GRID2: variants seen among roughly 807,000 people sequenced by gnomAD.
GRID2 encodes the protein glutamate ionotropic receptor delta type subunit 2.
GRID2 carries 33 observed loss-of-function variants against 114.8 expected under a neutral mutation model. The ratio of observed to expected loss-of-function variants is 0.29; its 90% CI spans 0.22 to 0.38. GRID2 has a LOEUF of 0.38. GRID2 is among the 10% of genes least tolerant of loss of function. The pLI is 1.00. For missense variants in GRID2, 1,184 were observed against 1,257.7 expected (o/e 0.94, Z 0.89); for synonymous variants, 505 against 449.9 (o/e 1.12, Z -1.55).
At chr4:93,618,061 G>T (rs1013158910) in intron 13 of GRID2, among the ~76,000 whole-genome samples, 3 of 152,102 alleles carry the variant, frequency 2.0e-5, no homozygotes, top group African/African-American at 7.2e-5. Context: ...TGGGGCTTTT[G>T]TGCTATGACT....
intron 1 of GRID2, among the ~76,000 whole-genome samples, chr4:92,425,887 A>G (rs910172975): frequency 6.6e-6 from 1 of 152,100 alleles, no homozygotes; most frequent in African/African-American, 2.4e-5. Context: ...GTAACTACTC[A>G]ATATGTATTA....
At chr4:93,484,408 G>A (rs1029904453) in intron 11 of GRID2, among the ~76,000 whole-genome samples, 10 of 151,830 alleles carry the variant, frequency 6.6e-5, no homozygotes, top group Admixed American at 6.6e-4. Context: ...TTGTTTATAA[G>A]TGAGATTTGC....
At chr4:93,665,555 G>A (rs976496644) in intron 14 of GRID2, among the ~76,000 whole-genome samples, 8 of 152,262 alleles carry the variant, frequency 5.3e-5, no homozygotes, top group Admixed American at 5.2e-4. Context: ...CTTCCAGTGT[G>A]CTCCATCACC....
At chr4:92,475,923 T>G (rs1722286668) in intron 1 of GRID2, among the ~76,000 whole-genome samples, 1 of 152,012 alleles carries the variant, frequency 6.6e-6, no homozygotes, top group South Asian at 2.1e-4. Flanking sequence ...TTTACTTTAT[T>G]TTATTGTAGA....
chr4:92,412,033 T>C (rs1326499480), intron 1 of GRID2, among the ~76,000 whole-genome samples: 1 of 151,988 alleles, frequency 6.6e-6, no homozygotes, highest in African/African-American at 2.4e-5. Flanking sequence ...TTTCAGATCC[T>C]AGACTAATCC....
intron 10 of GRID2, among the ~76,000 whole-genome samples, chr4:93,426,923 C>T (rs1326000647): frequency 6.6e-6 from 1 of 151,900 alleles, no homozygotes; most frequent in Non-Finnish European, 1.5e-5. Flanking sequence ...TTCAGGAAAA[C>T]TATTAAGCAG....
At position 93,455,909 on chromosome 4, in the gene GRID2, G is replaced by A. The variant is rs1723145027; in HGVS notation, c.1793G>A (p.Gly598Glu). ...CTTAATCCCCCACGATTACAAATGG[G>A]ATCAATGACGTCTACTACTCTCTAC... ...NWLNPPRLQM[G>E]SMTSTTLYNS... Residue 598 changes from glycine (G) to glutamate (E), a missense_variant, in exon 11 of 16, where the codon GGA becomes GAA. Transcript: ENST00000282020. 6.2e-7 allele frequency: 1 copy of A among 1,611,496 alleles called. No individual in the cohort carries two copies. Among genetic ancestry groups the A allele is most frequent in the African/African-American group, 1.3e-5 (1 of 74,830 alleles).
chr4:92,782,990 G>A (rs1025366828), intron 2 of GRID2, among the ~76,000 whole-genome samples: 22 of 151,984 alleles, frequency 1.4e-4, no homozygotes, highest in Non-Finnish European at 7.4e-5. Context: ...TTGAAAGCAA[G>A]TTTATATAAA....
intron 1 of GRID2, among the ~76,000 whole-genome samples, chr4:92,399,757 T>C (rs1343810034): frequency 1.3e-5 from 2 of 151,968 alleles, no homozygotes; most frequent in African/African-American, 4.8e-5. Flanking sequence ...CATATTATTT[T>C]ATTGTAATTA....
In GRID2 at chr4:92,791,085, G is replaced by A. The variant is rs577461028; in HGVS notation, c.244+200799G>A. Among the ~76,000 whole-genome samples the A allele has an allele frequency of 8.6e-5, 13 of 150,946 alleles. No homozygotes were observed. The South Asian group carries it at 1.5e-3, about 17-fold the overall frequency. On this transcript the variant is annotated intron_variant, in intron 2 of 15. Coordinates refer to ENST00000282020, the MANE Select transcript of GRID2 (RefSeq NM_001510.4). The stretch of plus-strand genomic sequence containing the variant: ...ATTGCTTAGTTTAATGCTGATTCTC[G>A]GTAAATATTTACTATGATTATCAGA...
intron 8 of GRID2, among the ~76,000 whole-genome samples, chr4:93,310,484 T>C (rs1040000999): frequency 3.3e-5 from 5 of 152,094 alleles, no homozygotes; most frequent in African/African-American, 9.7e-5. Context: ...TGAACTAAGA[T>C]TGTGCCACTG....
chr4:92,504,339 G>A (rs2149126125), intron 1 of GRID2, among the ~76,000 whole-genome samples: 1 of 152,140 alleles, frequency 6.6e-6, no homozygotes, highest in South Asian at 2.1e-4. Flanking sequence ...CTGTGTGGTA[G>A]GGAATATTAC....
chr4:93,431,005 C>T (rs1769358068), intron 10 of GRID2, among the ~76,000 whole-genome samples: 1 of 151,984 alleles, frequency 6.6e-6, no homozygotes, highest in Admixed American at 6.6e-5. Context: ...TCTATCCTAC[C>T]ATACTAATGT....
chr4:92,983,605 T>G (rs1754345321), intron 2 of GRID2, among the ~76,000 whole-genome samples: 1 of 152,140 alleles, frequency 6.6e-6, no homozygotes, highest in Non-Finnish European at 1.5e-5. Context: ...CTAATTCATT[T>G]TAGTCTCATA....
At chr4:92,797,320 T>A (rs1179051293) in intron 2 of GRID2, among the ~76,000 whole-genome samples, 1 of 151,998 alleles carries the variant, frequency 6.6e-6, no homozygotes, top group Admixed American at 6.6e-5. Flanking sequence ...ACAATGATCA[T>A]CACATGGCAT....
At chr4:92,518,377 A>G (rs565428938) in intron 1 of GRID2, among the ~76,000 whole-genome samples, 17 of 152,052 alleles carry the variant, frequency 1.1e-4, no homozygotes, top group African/African-American at 4.1e-4. Context: ...TTACAAGGAA[A>G]AGCCTTAAGT....
chr4:92,976,954 T>A (rs1216532291), intron 2 of GRID2, among the ~76,000 whole-genome samples: 1 of 152,166 alleles, frequency 6.6e-6, no homozygotes, highest in Non-Finnish European at 1.5e-5. Context: ...GACTCACAGA[T>A]TAGCATCCAT....
intron 14 of GRID2, among the ~76,000 whole-genome samples, chr4:93,691,763 AT>A (rs1158474398): frequency 2.6e-5 from 4 of 152,062 alleles, no homozygotes; most frequent in Non-Finnish European, 5.9e-5. Context: ...CTATGCTCAC[AT>A]ACTAGAGACT....
At chr4:93,141,976 G>C (rs962221603) in intron 4 of GRID2, among the ~76,000 whole-genome samples, 1 of 152,200 alleles carries the variant, frequency 6.6e-6, no homozygotes, top group Admixed American at 6.5e-5. Context: ...GCTGCAGTGT[G>C]CTGGCTTATG....
Sources: allele counts gnomAD v4.1 joint callset (sites outside exome capture counted in the v4.1 genomes callset), GRCh38; gene constraint gnomAD v4.1.1; transcripts MANE v1.5; gene names NCBI Gene and HGNC (gene_info 2026-07-23, HGNC 2026-07-21).